Variants in GBP6 observed in about 807,000 individuals in gnomAD.
GBP6 encodes the protein guanylate binding protein family member 6, also known as guanylate-binding protein 6.
Under a neutral mutation model 61.5 loss-of-function variants are expected in GBP6, and 54 were observed. The ratio of observed to expected loss-of-function variants is 0.88; its 90% CI spans 0.71 to 1.10. GBP6 has a LOEUF of 1.10. Ranked by LOEUF, GBP6 falls within the 50% of genes least tolerant of loss-of-function variation. The pLI, the probability that GBP6 is intolerant of heterozygous loss-of-function variation, is 0.00. For missense variants in GBP6, 748 were observed against 752.8 expected, an observed-to-expected ratio of 0.99 and a Z score of 0.07; for synonymous variants, 255 against 273.7, an observed-to-expected ratio of 0.93 and a Z score of 0.67.
At chr1:89,370,998 G>C (rs11576337) in intron 3 of GBP6, among the ~76,000 whole-genome samples, 1 of 151,864 alleles carries the variant, frequency 6.6e-6, no homozygotes, top group African/African-American at 2.4e-5. Flanking sequence ...TTCATTTCTC[G>C]CATCCCCAGC....
In GBP6 at chr1:89,385,540, A is replaced by T; in HGVS notation, c.*71A>T. On this transcript the variant is annotated 3_prime_UTR_variant, in exon 11 of 11. Coordinates refer to ENST00000370456, the MANE Select transcript of GBP6 (RefSeq NM_198460.3). Reference sequence around the variant, plus strand: ...GTATGTTTTTCATTTTCATTCAGCAAGTTTTTTTTTTTTTTCAGAGTCTTA... The same window carrying T: ...GTATGTTTTTCATTTTCATTCAGCATGTTTTTTTTTTTTTTCAGAGTCTTA... 1 of 1,143,544 alleles carries T rather than the reference A, an allele frequency of 8.7e-7. No homozygotes were observed. The highest frequency in any genetic ancestry group is 1.2e-6 in the Non-Finnish European group (1 of 862,832). The allele number at this position is 1,143,544 out of a possible 1,614,324, so 70.8% of individuals were successfully genotyped here. A position where few individuals can be genotyped will look rare whatever the true frequency, so the allele number is the denominator to read the frequency against.
At chr1:89,377,049 A>G (rs1330543122) in intron 3 of GBP6, among the ~76,000 whole-genome samples, 1 of 152,204 alleles carries the variant, frequency 6.6e-6, no homozygotes, top group African/African-American at 2.4e-5. Context: ...CCAAAATCCC[A>G]TATAGAATCT....
intron 4 of GBP6, 100 bp downstream of exon 4, chr1:89,378,312 G>T: frequency 1.3e-6 from 2 of 1,498,584 alleles, no homozygotes; most frequent in Non-Finnish European, 1.8e-6. Context: ...ATTACCTGTG[G>T]TGCAGCACAG....
At chr1:89,371,039 A>T (rs375729677) in intron 3 of GBP6, among the ~76,000 whole-genome samples, 14 of 152,198 alleles carry the variant, frequency 9.2e-5, no homozygotes, top group Non-Finnish European at 1.9e-4. Context: ...CTCTGCTGCT[A>T]TGAGTTTAAC....
chr1:89,364,564 A>G lies in GBP6; in HGVS notation c.-24+437A>G, dbSNP rs960235042. On this transcript the variant is annotated intron_variant, in intron 1 of 10. Coordinates refer to ENST00000370456, the MANE Select transcript of GBP6 (RefSeq NM_198460.3). ...TAAATCTCTATGTAGAAATAAACTT[A>G]GGCCCCACATCACTGGTCTTTATTA... Among the ~76,000 whole-genome samples, 5 of 151,268 alleles carry G rather than the reference A, an allele frequency of 3.3e-5. No homozygotes were observed. The East Asian group carries it at 7.8e-4, about 24-fold the overall frequency.
At chr1:89,370,265 G>T (rs778942991) in intron 3 of GBP6, among the ~76,000 whole-genome samples, 6 of 152,172 alleles carry the variant, frequency 3.9e-5, no homozygotes, top group African/African-American at 1.4e-4. Flanking sequence ...GTATAACAGT[G>T]CTTTGATAAG....
rs1652530551 is a variant in GBP6, at chr1:89,368,650, G to T, written c.99G>T (p.Lys33Asn). 1 of 1,614,046 alleles carries T rather than the reference G, an allele frequency of 6.2e-7. No individual in the cohort carries two copies. Among genetic ancestry groups the T allele is most frequent in the African/African-American group, 1.3e-5 (1 of 74,928 alleles). The change falls in exon 2 of 11, where the codon AAG (lysine) becomes AAT (asparagine). Residue 33 changes from lysine (K) to asparagine (N), a missense_variant. By Grantham distance (94) the Lys-to-Asn change is moderately conservative. Coordinates refer to ENST00000370456, the MANE Select transcript of GBP6 (RefSeq NM_198460.3). ...VNQQAIQILE[K>N]ISQPVVVVAI... ...AGCAAGCTATACAGATTCTTGAAAA[G>T]ATTTCTCAGCCAGTGGTGGTGGTGG...
At chr1:89,370,798 C>T (rs572196411) in intron 3 of GBP6, among the ~76,000 whole-genome samples, 4 of 152,242 alleles carry the variant, frequency 2.6e-5, no homozygotes, top group South Asian at 2.1e-4. Flanking sequence ...ACATAGTTAC[C>T]GTTTTCTTTT....
intron 8 of GBP6, among the ~76,000 whole-genome samples, chr1:89,383,386 A>G (rs909396157): frequency 2.6e-5 from 4 of 152,268 alleles, no homozygotes; most frequent in Non-Finnish European, 5.9e-5. Context: ...GGGAGTTTGT[A>G]CACCTGTGCA....
At position 89,380,378 on chromosome 1, in the gene GBP6, TCCCTCAG is replaced by T; in HGVS notation, c.626-7_626-1del. On this transcript the variant is annotated splice_acceptor_variant and splice_polypyrimidine_tract_variant and intron_variant, in intron 5 of 10. Transcript: ENST00000370456. LOFTEE classifies it high-confidence loss of function. The stretch of plus-strand genomic sequence containing the variant: ...TCACTATATTCTCTGTTTTTTTTTA[TCCCTCAG>T]GCAATAATCCCAGAGTTCAAACATC... 5 of 1,608,718 alleles carry T rather than the reference TCCCTCAG, an allele frequency of 3.1e-6. No individual in the cohort carries two copies. In the Admixed American group the frequency reaches 8.4e-5, roughly 27 times the overall value.
rs747531206 is a variant in GBP6, at chr1:89,368,530, C to A, written c.-22C>A. 1 of 1,605,570 alleles carries A rather than the reference C, an allele frequency of 6.2e-7. No individual in the cohort carries two copies. Among genetic ancestry groups the A allele is most frequent in the Admixed American group, 1.7e-5 (1 of 59,644 alleles). Reference sequence around the variant, plus strand: ...ATGTAACGTTATTTCTACTGGGAGGCTCTTCTAGGTTGGCAGTTGCCATGG... The same window carrying A: ...ATGTAACGTTATTTCTACTGGGAGGATCTTCTAGGTTGGCAGTTGCCATGG... On this transcript the variant is annotated splice_region_variant and 5_prime_UTR_variant, in exon 2 of 11. Transcript: ENST00000370456.
At chr1:89,379,284 G>A (rs888608769) in intron 5 of GBP6, among the ~76,000 whole-genome samples, 6 of 152,004 alleles carry the variant, frequency 3.9e-5, no homozygotes, top group African/African-American at 1.2e-4. Flanking sequence ...ATGGTAACAA[G>A]GTATTCATGA....
chr1:89,380,033 G>A (rs537257564), intron 5 of GBP6, among the ~76,000 whole-genome samples: 1 of 152,184 alleles, frequency 6.6e-6, no homozygotes, highest in Admixed American at 6.5e-5. Context: ...AACTACTAAA[G>A]AGGCTAAGGT....
At position 89,368,565 on chromosome 1, in the gene GBP6, C is replaced by T; in HGVS notation, c.14C>T (p.Pro5Leu). 1.2e-6 allele frequency: 2 copies of T among 1,613,680 alleles called. No homozygotes were observed. The highest frequency in any genetic ancestry group is 1.1e-5 in the South Asian group (1 of 91,022). The change falls in exon 2 of 11, where the codon CCC becomes CTC. Residue 5 changes from proline to leucine, a missense_variant. Physicochemically the swap from Pro to Leu is moderately conservative, Grantham distance 98. Transcript: ENST00000370456. ...TTGGCAGTTGCCATGGAATCTGGAC[C>T]CAAAATGTTGGCCCCCGTTTGCCTG... MESG[P>L]KMLAPVCLVE...
chr1:89,378,071 T>A, intron 3 of GBP6, 32 bp from the exon 4 acceptor site: 1 of 1,582,016 alleles, frequency 6.3e-7, no homozygotes, highest in Non-Finnish European at 8.6e-7. Context: ...AAGACTACAC[T>A]CCTAAGTCCT....
intron 8 of GBP6, among the ~76,000 whole-genome samples, chr1:89,383,138 C>T (rs191169204): frequency 1.3e-5 from 2 of 152,270 alleles, no homozygotes; most frequent in African/African-American, 2.4e-5. Context: ...AACTAACTCA[C>T]GAGCTGTTAT....
chr1:89,378,111 T>G lies in GBP6; in HGVS notation c.327T>G (p.Pro109=). The G allele has an allele frequency of 6.2e-7, 1 of 1,612,488 alleles. No homozygotes were observed. Among genetic ancestry groups the G allele is most frequent in the Non-Finnish European group, 8.5e-7 (1 of 1,179,610 alleles). The change falls in exon 4 of 11, where the codon CCT becomes CCG. Residue 109 remains proline (P), a synonymous_variant. Coordinates refer to ENST00000370456, the MANE Select transcript of GBP6 (RefSeq NM_198460.3). ...TCTAATGTGCTTTTTAGGGTGACCCTAAGAATGACTCCTGGATCTTTGCCC... is the reference window on the plus strand; with the variant it reads ...TCTAATGTGCTTTTTAGGGTGACCCGAAGAATGACTCCTGGATCTTTGCCC... ...EGLGDVEKGD[P]KNDSWIFALA... is the part of the protein sequence containing the mutation.
In GBP6 at chr1:89,378,142, G is replaced by A; in HGVS notation, c.358G>A (p.Val120Met). ...TGACTCCTGGATCTTTGCCCTGGCT[G>A]TGCTCCTGTGCAGCACCTTTGTCTA... Reference protein sequence around the residue: ...KNDSWIFALAVLLCSTFVYNS... With the variant: ...KNDSWIFALAMLLCSTFVYNS... The change falls in exon 4 of 11, where the codon GTG (valine) becomes ATG (methionine). Residue 120 changes from valine (V) to methionine (M), a missense_variant. Transcript: ENST00000370456. 1 of 1,613,100 alleles carries A rather than the reference G, an allele frequency of 6.2e-7. No individual in the cohort carries two copies. Among genetic ancestry groups the A allele is most frequent in the Non-Finnish European group, 8.5e-7 (1 of 1,179,748 alleles).
At chr1:89,373,248 A>T (rs574423750) in intron 3 of GBP6, among the ~76,000 whole-genome samples, 1,582 of 152,334 alleles carry the variant, frequency 0.01, 40 homozygotes, top group African/African-American at 0.036. Flanking sequence ...ATTGTGGAAG[A>T]CAGTGTGGCG....
Sources: gnomAD v4.1 joint callset for allele counts (sites outside exome capture counted in the v4.1 genomes callset) on GRCh38, gnomAD v4.1.1 for gene constraint, MANE v1.5 for transcripts, NCBI Gene and HGNC (gene_info 2026-07-23, HGNC 2026-07-21) for gene names.